Variants in SLC8A1 observed in about 807,000 individuals in gnomAD.
SLC8A1 encodes sodium/calcium exchanger 1.
In SLC8A1, 18 loss-of-function variants were observed where a neutral mutation model predicts 68.3. The observed-to-expected ratio is 0.26, with a 90% CI of 0.18 to 0.39. SLC8A1 has a LOEUF of 0.39. Ranked by LOEUF, SLC8A1 falls within the 10% of genes least tolerant of loss-of-function variation. The pLI, the probability that SLC8A1 is intolerant of heterozygous loss-of-function variation, is 1.00. For synonymous variants in SLC8A1, 475 were observed against 415.5 expected (o/e 1.14, Z -1.74); for missense variants, 985 against 1,156.7 (o/e 0.85, Z 2.15).
At chr2:40,375,775 G>T (rs1559438793) in intron 2 of SLC8A1, among the ~76,000 whole-genome samples, 3 of 152,090 alleles carry the variant, frequency 2.0e-5, no homozygotes, top group Non-Finnish European at 2.9e-5. Context: ...GGTCAAGGCA[G>T]GCAGATTGCT....
At chr2:40,421,684 C>A (rs1390153386) in intron 2 of SLC8A1, among the ~76,000 whole-genome samples, 2 of 152,046 alleles carry the variant, frequency 1.3e-5, no homozygotes, top group African/African-American at 4.8e-5. Context: ...GAACACAATG[C>A]CTATTCCCAT....
chr2:40,389,721 G>A (rs930423401), intron 2 of SLC8A1, among the ~76,000 whole-genome samples: 1 of 151,562 alleles, frequency 6.6e-6, no homozygotes, highest in South Asian at 2.1e-4. Flanking sequence ...TCATACCTAG[G>A]TGTGGGGAAG....
intron 2 of SLC8A1, chr2:40,213,128 T>C (rs966716094): frequency 4.6e-5 from 7 of 152,250 alleles, no homozygotes; most frequent in Non-Finnish European, 7.3e-5. Flanking sequence ...TTGAGTTAGA[T>C]GACTTCAGAA....
At position 40,188,330 on chromosome 2, in the gene SLC8A1, T is replaced by C. The variant is rs567702205; in HGVS notation, c.1809-10475A>G. 3.3e-5 allele frequency among the ~76,000 whole-genome samples: 5 copies of C among 152,360 alleles called. No homozygotes were observed. The South Asian group carries it at 1.0e-3, about 32-fold the overall frequency. ...AGTTTAAGGTAACGTTTAAAATGAT[T>C]TGTGGCAAAGAGCATCTTTTCTAGA... On this transcript the variant is annotated intron_variant, in intron 2 of 7. Transcript: ENST00000406785.
In SLC8A1 at chr2:40,277,821, T is replaced by TATAC. The variant is rs1429982177; in HGVS notation, c.1809-99967_1809-99966insGTAT. 5.8e-4 allele frequency among the ~76,000 whole-genome samples: 80 copies of TATAC among 137,374 alleles called. 1 individual carries two copies. The highest frequency in any genetic ancestry group is 2.0e-3 in the African/African-American group (75 of 38,108). The allele number at this position is 137,374 out of a possible 152,430, so 90.1% of individuals were successfully genotyped here. ...ATATATATATATATATATATATATATATATATATATTTGTAACATATGGTT... is the reference window on the plus strand; with the variant it reads ...ATATATATATATATATATATATATATATACATATATATATTTGTAACATATGGTT... On this transcript the variant is annotated intron_variant, in intron 2 of 7. Transcript: ENST00000406785.
chr2:40,142,103 G>A (rs2041682754), intron 6 of SLC8A1, among the ~76,000 whole-genome samples: 1 of 152,168 alleles, frequency 6.6e-6, no homozygotes, highest in Admixed American at 6.5e-5. Flanking sequence ...ATATCATGAC[G>A]TGGAAATGTA....
chr2:40,436,935 A>C (rs1699536247), intron 1 of SLC8A1, among the ~76,000 whole-genome samples: 1 of 152,150 alleles, frequency 6.6e-6, no homozygotes, highest in Non-Finnish European at 1.5e-5. Context: ...TAAGGGCCCT[A>C]CTCAGGGCAC....
intron 1 of SLC8A1, among the ~76,000 whole-genome samples, chr2:40,492,155 A>G (rs1705357129): frequency 6.6e-6 from 1 of 152,122 alleles, no homozygotes; most frequent in Admixed American, 6.5e-5. Context: ...GATATAGATC[A>G]ATGGAACAGA....
intron 2 of SLC8A1, among the ~76,000 whole-genome samples, chr2:40,366,193 C>T (rs1007315894): frequency 7.9e-5 from 12 of 152,004 alleles, no homozygotes; most frequent in Non-Finnish European, 1.8e-4. Flanking sequence ...TGGGCTAATA[C>T]ACATGAGTAC....
intron 7 of SLC8A1, 82 bp from the exon 11 acceptor site, chr2:40,115,711 C>T (rs2035191343): frequency 2.0e-6 from 3 of 1,513,588 alleles, no homozygotes. Context: ...GCTGTGTACT[C>T]TAGGACCCAA....
At chr2:40,216,932 C>T (rs1270278184) in intron 2 of SLC8A1, among the ~76,000 whole-genome samples, 2 of 152,138 alleles carry the variant, frequency 1.3e-5, no homozygotes, top group Non-Finnish European at 2.9e-5. Context: ...CAAAAATTTT[C>T]TCCCATTCTG....
intron 2 of SLC8A1, chr2:40,251,212 T>C (rs886724641): frequency 1.3e-5 from 2 of 151,700 alleles, no homozygotes; most frequent in Admixed American, 1.3e-4. Flanking sequence ...GTGTGTGAGG[T>C]AGATAAGCTT....
upstream of SLC8A1, among the ~76,000 whole-genome samples, chr2:40,455,987 G>A (rs567069904): frequency 3.4e-5 from 5 of 149,240 alleles, no homozygotes; most frequent in Admixed American, 2.0e-4. Flanking sequence ...GGACATCAGG[G>A]ACCTGCAATT....
At chr2:40,455,112 G>T (rs891682981), upstream of SLC8A1, among the ~76,000 whole-genome samples, 2 of 152,164 alleles carry the variant, frequency 1.3e-5, no homozygotes, top group African/African-American at 4.8e-5. Context: ...ACTAAGATTT[G>T]ATATATTCGA....
chr2:40,391,696 T>A (rs531250617), intron 2 of SLC8A1, among the ~76,000 whole-genome samples: 1 of 152,134 alleles, frequency 6.6e-6, no homozygotes, highest in Admixed American at 6.6e-5. Flanking sequence ...GAACTCTTAG[T>A]CCCAGACCCT....
chr2:40,308,096 C>G (rs17025804), intron 2 of SLC8A1, among the ~76,000 whole-genome samples: 25,767 of 152,094 alleles, frequency 0.17, 2,846 homozygotes, highest in East Asian at 0.37. Context: ...TAAGAAACCC[C>G]ATTTTGGCCC....
chr2:40,441,135 A>G (rs1221328364), intron 1 of SLC8A1, among the ~76,000 whole-genome samples: 1 of 152,200 alleles, frequency 6.6e-6, no homozygotes, highest in Non-Finnish European at 1.5e-5. Context: ...CACCAAAAAT[A>G]GAAAAGCAGA....
intron 4 of SLC8A1, among the ~76,000 whole-genome samples, chr2:40,172,046 A>G (rs541300649): frequency 6.6e-6 from 1 of 152,332 alleles, no homozygotes; most frequent in African/African-American, 2.4e-5. Context: ...AGTCCATGTA[A>G]AAGCTGCAGG....
chr2:40,135,400 A>G (rs757643), intron 7 of SLC8A1, among the ~76,000 whole-genome samples: 1 of 152,052 alleles, frequency 6.6e-6, no homozygotes, highest in African/African-American at 2.4e-5. Context: ...ATGGGCTCAA[A>G]CAAGACACAC....
Sources: gnomAD v4.1 joint callset for allele counts (sites outside exome capture counted in the v4.1 genomes callset) on GRCh38, gnomAD v4.1.1 for gene constraint, MANE v1.5 for transcripts, NCBI Gene and HGNC (gene_info 2026-07-23, HGNC 2026-07-21) for gene names.